FBXL7: variants seen among roughly 807,000 people sequenced by gnomAD.
FBXL7 encodes F-box/LRR-repeat protein 7.
A neutral mutation model predicts 38.3 loss-of-function variants in FBXL7; 12 were observed. The observed-to-expected ratio is 0.31, with a 90% CI of 0.20 to 0.51. The LOEUF is 0.51. FBXL7 is among the 20% of genes least tolerant of loss of function. FBXL7 has a pLI of 0.98. For missense variants in FBXL7, 567 were observed against 676.4 expected (o/e 0.84, Z 1.79); for synonymous variants, 297 against 300.9 (o/e 0.99, Z 0.13).
At chr5:15,777,627 C>G (rs905736409) in intron 2 of FBXL7, among the ~76,000 whole-genome samples, 3 of 142,972 alleles carry the variant, frequency 2.1e-5, no homozygotes, top group Non-Finnish European at 4.4e-5. Flanking sequence ...AATTTAAAAG[C>G]TCAGTGCATA....
chr5:15,777,754 C>T (rs1215129926), intron 2 of FBXL7, among the ~76,000 whole-genome samples: 1 of 119,526 alleles, frequency 8.4e-6, no homozygotes, highest in African/African-American at 3.6e-5. Context: ...AAAGTAAATT[C>T]CAGTTCCAAG....
In FBXL7 at chr5:15,541,441, GTGTATATA is replaced by G. The variant is rs1180324105; in HGVS notation, c.37+40730_37+40737del. Among the ~76,000 whole-genome samples, 312 of 53,360 alleles carry G rather than the reference GTGTATATA, an allele frequency of 5.8e-3. 5 individuals are homozygous for G. The highest frequency in any genetic ancestry group is 0.017 in the African/African-American group (270 of 15,644). 35.0% of individuals were successfully genotyped at this position (53,360 alleles called of 152,430 possible). On this transcript the variant is annotated intron_variant, in intron 1 of 3. Transcript: ENST00000504595. ...ATACATATAGTATATATGTGTGTGT[GTGTATATA>G]TATATATATATATATATATATATAT...
At chr5:15,580,241 C>A (rs1739093007) in intron 1 of FBXL7, among the ~76,000 whole-genome samples, 1 of 152,136 alleles carries the variant, frequency 6.6e-6, no homozygotes, top group African/African-American at 2.4e-5. Flanking sequence ...TCACTAAGAA[C>A]CTAACCCTAC....
At chr5:15,756,291 G>A (rs182979103) in intron 2 of FBXL7, among the ~76,000 whole-genome samples, 1 of 152,120 alleles carries the variant, frequency 6.6e-6, no homozygotes, top group East Asian at 1.9e-4. Context: ...TTAAGAGGAA[G>A]CAAAAAAGCA....
At chr5:15,604,221 T>C (rs952412141) in intron 1 of FBXL7, among the ~76,000 whole-genome samples, 1 of 152,230 alleles carries the variant, frequency 6.6e-6, no homozygotes, top group African/African-American at 2.4e-5. Flanking sequence ...CTCTTTTCAT[T>C]ATTAGCTATT....
At chr5:15,662,034 G>T (rs1156672984) in intron 2 of FBXL7, among the ~76,000 whole-genome samples, 1 of 152,138 alleles carries the variant, frequency 6.6e-6, no homozygotes, top group Admixed American at 6.5e-5. Flanking sequence ...TTATATTCCT[G>T]TGGGTACAAA....
intron 2 of FBXL7, among the ~76,000 whole-genome samples, chr5:15,823,482 T>A (rs1469264593): frequency 1.3e-5 from 2 of 152,220 alleles, no homozygotes; most frequent in African/African-American, 2.4e-5. Context: ...ACAAGTGTAA[T>A]TAATGCTGTA....
At chr5:15,589,760 T>C (rs1739414055) in intron 1 of FBXL7, among the ~76,000 whole-genome samples, 1 of 152,194 alleles carries the variant, frequency 6.6e-6, no homozygotes, top group Non-Finnish European at 1.5e-5. Flanking sequence ...TGTTTTTGTT[T>C]TCTGGATTCC....
chr5:15,803,986 T>C (rs1486404731), intron 2 of FBXL7, among the ~76,000 whole-genome samples: 1 of 152,174 alleles, frequency 6.6e-6, no homozygotes, highest in Non-Finnish European at 1.5e-5. Context: ...TCCATACAAG[T>C]GCTATTGCTC....
At chr5:15,606,663 C>T (rs2126502661) in intron 1 of FBXL7, 1 of 152,364 alleles carries the variant, frequency 6.6e-6, no homozygotes, top group South Asian at 2.1e-4. Context: ...ATGACTTTAG[C>T]AATTTCCCTT....
At chr5:15,557,975 C>A (rs979035846) in intron 1 of FBXL7, among the ~76,000 whole-genome samples, 1 of 152,090 alleles carries the variant, frequency 6.6e-6, no homozygotes, top group African/African-American at 2.4e-5. Flanking sequence ...AAAAGTAGAT[C>A]CAAGTTGCCA....
intron 1 of FBXL7, among the ~76,000 whole-genome samples, chr5:15,540,267 G>A (rs543821620): frequency 6.6e-6 from 1 of 152,258 alleles, no homozygotes; most frequent in East Asian, 1.9e-4. Flanking sequence ...TTGCCCATCA[G>A]AATTTTAAAT....
At position 15,842,339 on chromosome 5, in the gene FBXL7, A is replaced by G. The variant is rs57545936; in HGVS notation, c.128-85551A>G. Reference sequence around the variant, plus strand: ...ACCTATAGCCGCTTCATTTTGGCCAATTTCTTCCATTTGGAAAGGGCGTAT... The same window carrying G: ...ACCTATAGCCGCTTCATTTTGGCCAGTTTCTTCCATTTGGAAAGGGCGTAT... On this transcript the variant is annotated intron_variant, in intron 2 of 3. Coordinates refer to ENST00000504595, the MANE Select transcript of FBXL7 (RefSeq NM_012304.5). Among the ~76,000 whole-genome samples, 727 of 152,202 alleles carry G rather than the reference A, an allele frequency of 4.8e-3. 10 individuals carry two copies. Among genetic ancestry groups the G allele is most frequent in the African/African-American group, 0.017 (690 of 41,528 alleles).
At chr5:15,775,985 TATTA>T (rs1027224235) in intron 2 of FBXL7, among the ~76,000 whole-genome samples, 1 of 152,160 alleles carries the variant, frequency 6.6e-6, no homozygotes, top group Non-Finnish European at 1.5e-5. Flanking sequence ...TTTCAGTTTT[TATTA>T]ATTCTCAAGA....
intron 2 of FBXL7, among the ~76,000 whole-genome samples, chr5:15,759,173 C>T (rs929911298): frequency 1.3e-5 from 2 of 152,138 alleles, no homozygotes; most frequent in African/African-American, 4.8e-5. Context: ...TTCGGCTTTT[C>T]CTACTCTTGA....
chr5:15,571,782 C>T (rs1164848363), intron 1 of FBXL7, among the ~76,000 whole-genome samples: 1 of 151,964 alleles, frequency 6.6e-6, no homozygotes, highest in Non-Finnish European at 1.5e-5. Context: ...CTCCATGGTG[C>T]TTGCTCCCAT....
At chr5:15,671,425 A>T (rs1480074659) in intron 2 of FBXL7, among the ~76,000 whole-genome samples, 28 of 151,418 alleles carry the variant, frequency 1.8e-4, no homozygotes, top group Non-Finnish European at 4.4e-5. Context: ...TTACCTACTT[A>T]TGCTAGGTGA....
chr5:15,875,173 T>G (rs1740147359), intron 2 of FBXL7, among the ~76,000 whole-genome samples: 1 of 152,208 alleles, frequency 6.6e-6, no homozygotes, highest in African/African-American at 2.4e-5. Context: ...AAGGATTCCC[T>G]ATTTAATAAA....
intron 2 of FBXL7, among the ~76,000 whole-genome samples, chr5:15,823,896 A>G (rs959534257): frequency 6.6e-6 from 1 of 152,134 alleles, no homozygotes; most frequent in African/African-American, 2.4e-5. Flanking sequence ...TTTCAAATAC[A>G]GTGTCCCGAA....
Sources: gnomAD v4.1 joint callset for allele counts (sites outside exome capture counted in the v4.1 genomes callset) on GRCh38, gnomAD v4.1.1 for gene constraint, MANE v1.5 for transcripts, NCBI Gene and HGNC (gene_info 2026-07-23, HGNC 2026-07-21) for gene names.